RABGAP1L: variants seen among roughly 807,000 people sequenced by gnomAD.
RABGAP1L encodes the protein RAB GTPase activating protein 1 like.
Under a neutral mutation model 137.7 loss-of-function variants are expected in RABGAP1L, and 63 were observed. The ratio of observed to expected loss-of-function variants is 0.46; its 90% CI spans 0.37 to 0.56. The LOEUF (loss-of-function observed/expected upper bound fraction) is 0.56. RABGAP1L is among the 20% of genes least tolerant of loss of function. The probability of loss-of-function intolerance (pLI) is 0.00; values close to 1 mark genes in which losing one functional copy is unlikely to be tolerated. For missense variants in RABGAP1L, 1,095 were observed against 1,244.0 expected (o/e 0.88, Z 1.80); for synonymous variants, 431 against 433.7 (o/e 0.99, Z 0.08).
In RABGAP1L at chr1:174,969,176, C is replaced by T. The variant is rs1478842900; in HGVS notation, c.2434-101C>T. 3 of 883,946 alleles carry T rather than the reference C, an allele frequency of 3.4e-6. No homozygotes were observed. The Admixed American group carries it at 6.6e-5, about 20-fold the overall frequency. The allele number at this position is 883,946 out of a possible 1,614,324, so 54.8% of individuals were successfully genotyped here. On this transcript the variant is annotated intron_variant, in intron 20 of 25. Transcript: ENST00000681986. ...CCACTTGCGCCTTCTCCTTTTTACACCTTTGAAAGTTCACTTTGTTGCTTG... is the reference window on the plus strand; with the variant it reads ...CCACTTGCGCCTTCTCCTTTTTACATCTTTGAAAGTTCACTTTGTTGCTTG...
At chr1:174,508,818 C>T (rs917290238) in intron 13 of RABGAP1L, among the ~76,000 whole-genome samples, 7 of 151,926 alleles carry the variant, frequency 4.6e-5, no homozygotes, top group Non-Finnish European at 7.4e-5. Context: ...CATTGTGTGA[C>T]TAGTGATCTA....
At chr1:174,724,584 C>T (rs1681836767) in intron 17 of RABGAP1L, among the ~76,000 whole-genome samples, 1 of 152,154 alleles carries the variant, frequency 6.6e-6, no homozygotes, top group Admixed American at 6.5e-5. Context: ...GAAAGGAATG[C>T]TTTTTATTCA....
At position 174,515,589 on chromosome 1, in the gene RABGAP1L, A is replaced by G. The variant is rs1358175583; in HGVS notation, c.1710+121444A>G. Among the ~76,000 whole-genome samples, 4 of 152,162 alleles carry G rather than the reference A, an allele frequency of 2.6e-5. No homozygotes were observed. The East Asian group carries it at 7.7e-4, about 29-fold the overall frequency. ...TCCACATACAGACCTTAATACACCTACCTGTGTTAGTTACTTTCTAAATGT... is the reference window on the plus strand; with the variant it reads ...TCCACATACAGACCTTAATACACCTGCCTGTGTTAGTTACTTTCTAAATGT... On this transcript the variant is annotated intron_variant, in intron 13 of 25. Coordinates refer to ENST00000681986, the MANE Select transcript of RABGAP1L (RefSeq NM_001366446.1).
At chr1:174,407,555 T>A (rs1346310469) in intron 13 of RABGAP1L, among the ~76,000 whole-genome samples, 1 of 152,186 alleles carries the variant, frequency 6.6e-6, no homozygotes, top group East Asian at 1.9e-4. Context: ...ATGCAAAAAG[T>A]CCAAGGATTT....
intron 14 of RABGAP1L, among the ~76,000 whole-genome samples, chr1:174,679,861 G>C (rs467437): frequency 6.6e-6 from 1 of 151,972 alleles, no homozygotes; most frequent in Non-Finnish European, 1.5e-5. Flanking sequence ...AAGGAATCTA[G>C]AATAAACTCT....
intron 11 of RABGAP1L, among the ~76,000 whole-genome samples, chr1:174,363,286 G>A (rs1367559968): frequency 6.6e-6 from 1 of 152,136 alleles, no homozygotes; most frequent in Non-Finnish European, 1.5e-5. Context: ...GGTTCCATAT[G>A]AATTTTAAAA....
intron 12 of RABGAP1L, among the ~76,000 whole-genome samples, chr1:174,387,991 G>A (rs1686941080): frequency 1.3e-5 from 2 of 151,970 alleles, no homozygotes; most frequent in Admixed American, 6.5e-5. Flanking sequence ...TACGAGGATT[G>A]TCAAATATTT....
At chr1:174,829,743 T>C (rs1018889978) in intron 19 of RABGAP1L, among the ~76,000 whole-genome samples, 1 of 148,654 alleles carries the variant, frequency 6.7e-6, no homozygotes, top group African/African-American at 2.5e-5. Flanking sequence ...TAATTACTAA[T>C]AGATCACAAA....
At chr1:174,410,640 G>A (rs888461458) in intron 13 of RABGAP1L, among the ~76,000 whole-genome samples, 4 of 152,086 alleles carry the variant, frequency 2.6e-5, no homozygotes, top group Non-Finnish European at 5.9e-5. Context: ...TTTGGTTACT[G>A]TAGCCTTATA....
chr1:174,945,018 C>T (rs1666507851), intron 19 of RABGAP1L, among the ~76,000 whole-genome samples: 1 of 152,190 alleles, frequency 6.6e-6, no homozygotes, highest in Non-Finnish European at 1.5e-5. Context: ...AAGGCCAGTA[C>T]TATGATAATG....
chr1:174,714,883 C>CT (rs1680876805), intron 17 of RABGAP1L, among the ~76,000 whole-genome samples: 3 of 152,048 alleles, frequency 2.0e-5, no homozygotes, highest in Admixed American at 2.0e-4. Flanking sequence ...GACTAAAATT[C>CT]TTAATGTTGA....
At chr1:174,169,259 G>A (rs1571344206) in intron 1 of RABGAP1L, among the ~76,000 whole-genome samples, 2 of 150,848 alleles carry the variant, frequency 1.3e-5, no homozygotes, top group Non-Finnish European at 2.9e-5. Context: ...TTGCTCTGTC[G>A]CCCAGGCTGG....
chr1:174,175,358 C>T (rs1378905138), intron 1 of RABGAP1L, among the ~76,000 whole-genome samples: 1 of 152,172 alleles, frequency 6.6e-6, no homozygotes, highest in Non-Finnish European at 1.5e-5. Context: ...AAAAGCCTTT[C>T]TTGAGACTGT....
At chr1:174,715,704 C>G (rs1680945763) in intron 17 of RABGAP1L, among the ~76,000 whole-genome samples, 1 of 152,194 alleles carries the variant, frequency 6.6e-6, no homozygotes, top group Admixed American at 6.5e-5. Context: ...TGGTCTTTGT[C>G]TCTTTTAAGA....
rs139381113 is a variant in RABGAP1L at position 174,212,639 on chromosome 1, A to C, written c.-33-6486A>C. Reference sequence around the variant, plus strand: ...TAACAATACTTAAAGAACTAGAAAAACAAGAGCAAACCAAACCCAAAATTA... The same window carrying C: ...TAACAATACTTAAAGAACTAGAAAACCAAGAGCAAACCAAACCCAAAATTA... On this transcript the variant is annotated intron_variant, in intron 1 of 25. Coordinates refer to ENST00000681986, the MANE Select transcript of RABGAP1L (RefSeq NM_001366446.1). 1.3e-3 allele frequency among the ~76,000 whole-genome samples: 199 copies of C among 152,200 alleles called. 2 individuals carry two copies. The East Asian group carries it at 0.036, about 27-fold the overall frequency.
chr1:174,942,813 C>A (rs1666117104), intron 19 of RABGAP1L, among the ~76,000 whole-genome samples: 1 of 152,286 alleles, frequency 6.6e-6, no homozygotes, highest in Non-Finnish European at 1.5e-5. Flanking sequence ...CAGTTCTCCG[C>A]CTCCAACTGA....
At chr1:174,203,938 ATTTTT>A (rs59416325) in intron 1 of RABGAP1L, among the ~76,000 whole-genome samples, 1 of 136,442 alleles carries the variant, frequency 7.3e-6, no homozygotes, top group Non-Finnish European at 1.6e-5. Flanking sequence ...TTGTACATTG[ATTTTT>A]TTTTTTTTTT....
chr1:174,906,527 G>A (rs921663373), intron 19 of RABGAP1L, among the ~76,000 whole-genome samples: 4 of 152,000 alleles, frequency 2.6e-5, no homozygotes, highest in African/African-American at 7.2e-5. Context: ...ACTGGGGAGG[G>A]TGAGGCAGGA....
At chr1:174,926,256 A>C (rs890674184) in intron 19 of RABGAP1L, among the ~76,000 whole-genome samples, 1 of 152,012 alleles carries the variant, frequency 6.6e-6, no homozygotes, top group Non-Finnish European at 1.5e-5. Context: ...TTGTTTCACT[A>C]TTCTTGGTCC....
Sources: gnomAD v4.1 joint callset for allele counts (sites outside exome capture counted in the v4.1 genomes callset) on GRCh38, gnomAD v4.1.1 for gene constraint, MANE v1.5 for transcripts, NCBI Gene and HGNC (gene_info 2026-07-23, HGNC 2026-07-21) for gene names.